The following MTFR1L variants were observed in gnomAD, a reference collection of about 807,000 sequenced individuals.
MTFR1L encodes mitochondrial fission regulator 1 like.
In MTFR1L, 10 loss-of-function variants were observed where a neutral mutation model predicts 27.9. The ratio of observed to expected loss-of-function variants is 0.36; its 90% confidence interval spans 0.22 to 0.61. The LOEUF is 0.61. Among genes scored for constraint, MTFR1L ranks in the 20% least tolerant of loss-of-function variants. MTFR1L has a pLI of 0.73. For synonymous variants in MTFR1L, 151 were observed against 139.4 expected, an observed-to-expected ratio of 1.08 and a Z score of -0.58; for missense variants, 315 against 363.7, an observed-to-expected ratio of 0.87 and a Z score of 1.09.
chr1:25,820,583 A>T (rs1329123075), intron 1 of MTFR1L: 1 of 381,170 alleles, frequency 2.6e-6, no homozygotes, highest in Non-Finnish European at 5.0e-6. Context: ...CCTGCGCTGG[A>T]GGAGCTCCCG....
At chr1:25,825,321 A>T (rs1039013776) in intron 3 of MTFR1L, among the ~76,000 whole-genome samples, 1 of 152,160 alleles carries the variant, frequency 6.6e-6, no homozygotes, top group African/African-American at 2.4e-5. Context: ...TATTTTGAAA[A>T]TTTAAGCATA....
chr1:25,826,330 T>G lies in MTFR1L; in HGVS notation c.158T>G (p.Leu53Trp), dbSNP rs1401956794. 1 of 1,614,050 alleles carries G rather than the reference T, an allele frequency of 6.2e-7. No individual in the cohort carries two copies. Among genetic ancestry groups the G allele is most frequent in the Non-Finnish European group, 8.5e-7 (1 of 1,180,032 alleles). ...ETLPNISDLC[L>W]RDVPPVPTLA... ...CTGCCCAACATCTCTGACCTGTGTT[T>G]GAGAGATGTGCCCCCAGTCCCTACC... is the stretch of plus-strand genomic sequence containing the variant. Residue 53 changes from leucine (L) to tryptophan (W), a missense_variant, in exon 4 of 7, where the codon TTG becomes TGG. Transcript: ENST00000374303. This position sits in a 1 kb window ranked among gnomAD's most constrained non-coding sequence, Gnocchi z 4.1.
intron 5 of MTFR1L, among the ~76,000 whole-genome samples, chr1:25,828,207 G>A (rs923897645): frequency 1.3e-5 from 2 of 152,170 alleles, no homozygotes; most frequent in African/African-American, 2.4e-5. Flanking sequence ...GGAGTTTCAT[G>A]ACATTATGTT....
At chr1:25,824,174 C>T (rs2048137458) in intron 3 of MTFR1L, among the ~76,000 whole-genome samples, 1 of 152,224 alleles carries the variant, frequency 6.6e-6, no homozygotes, top group African/African-American at 2.4e-5. Flanking sequence ...CCATGCCCAG[C>T]TCCACTATTT....
In MTFR1L at chr1:25,826,570, T is replaced by A. The variant is rs778368676; in HGVS notation, c.240-45T>A. ...GGGGGAAGGAACCTTAGGAGCACAG[T>A]GGCCTGCTGTCTCTAACTGATCTAC... On this transcript the variant is annotated intron_variant, in intron 4 of 6. Coordinates refer to ENST00000374303, the MANE Select transcript of MTFR1L (RefSeq NM_001099625.2). The surrounding 1 kb of genome is among the most constrained non-coding windows in gnomAD (Gnocchi z 4.1). 5.6e-6 allele frequency: 9 copies of A among 1,609,532 alleles called. No homozygotes were observed. The South Asian group carries it at 9.9e-5, about 18-fold the overall frequency.
rs990095875 is a variant in MTFR1L, at chr1:25,823,717, C to A, written c.98C>A (p.Pro33His). 3.1e-6 allele frequency: 5 copies of A among 1,613,950 alleles called. No individual in the cohort carries two copies. The highest frequency in any genetic ancestry group is 4.2e-6 in the Non-Finnish European group (5 of 1,179,986). The change falls in exon 3 of 7, where the codon CCC (proline) becomes CAC (histidine). Residue 33 changes from proline (P) to histidine (H), a missense_variant. Physicochemically the swap from Pro to His is moderately conservative, Grantham distance 77. Transcript: ENST00000374303. ...GTAAGAAGAATTGGGACCAACCTAC[C>A]CTTGAAGCCGTGTGCCCGGGCGTCC... ...SVVRRIGTNL[P>H]LKPCARASFE...
At chr1:25,830,425 G>A (rs984790904) in intron 6 of MTFR1L, among the ~76,000 whole-genome samples, 9 of 152,238 alleles carry the variant, frequency 5.9e-5, no homozygotes, top group Non-Finnish European at 1.0e-4. Flanking sequence ...ACCCCAAGGA[G>A]TGGAGCTCTA....
Position 25,832,546 on chromosome 1 carries a change from C to CTTCCTTGTCTAGATGT in MTFR1L, c.*521_*536dup. The CTTCCTTGTCTAGATGT allele has an allele frequency of 4.8e-6, 1 of 210,366 alleles. No individual in the cohort carries two copies. The highest frequency in any genetic ancestry group is 2.0e-3 in the Middle Eastern group (1 of 488). The allele number at this position is 210,366 out of a possible 1,614,324, so 13.0% of individuals were successfully genotyped here. A position where few individuals can be genotyped will look rare whatever the true frequency, so the allele number is the denominator to read the frequency against. On this transcript the variant is annotated 3_prime_UTR_variant, in exon 7 of 7. Transcript: ENST00000374303. ...CAATGCCCAGCAATCACCCTCCTCACTTCCTTGTCTAGATGTAGAGGTCAG... is the reference window on the plus strand; with the variant it reads ...CAATGCCCAGCAATCACCCTCCTCACTTCCTTGTCTAGATGTTTCCTTGTCTAGATGTAGAGGTCAG...
chr1:25,828,654 G>A (rs1557444448), intron 5 of MTFR1L, among the ~76,000 whole-genome samples: 2 of 152,114 alleles, frequency 1.3e-5, no homozygotes, highest in Admixed American at 1.3e-4. Flanking sequence ...CAGAACCACT[G>A]GAAATGGATG....
In MTFR1L at chr1:25,826,895, G is replaced by C; in HGVS notation, c.451+69G>C. Reference sequence around the variant, plus strand: ...TTTCCCCTGGCTCTTGGGCAGGATAGGGGTAAAGAAAGTGGTAATCCTTGG... The same window carrying C: ...TTTCCCCTGGCTCTTGGGCAGGATACGGGTAAAGAAAGTGGTAATCCTTGG... On this transcript the variant is annotated intron_variant, in intron 5 of 6. Transcript: ENST00000374303. This position sits in a 1 kb window ranked among gnomAD's most constrained non-coding sequence, Gnocchi z 4.1. 6.5e-7 allele frequency: 1 copy of C among 1,535,302 alleles called. No individual in the cohort carries two copies.
intron 2 of MTFR1L, 163 bp downstream of exon 2, chr1:25,823,291 CAACT>C: frequency 1.3e-6 from 1 of 784,166 alleles, no homozygotes; most frequent in Non-Finnish European, 2.2e-6. Context: ...TAAGAAGAAC[CAACT>C]ATGATCCTGG....
At position 25,831,812 on chromosome 1, in the gene MTFR1L, G is replaced by A. The variant is rs79151090; in HGVS notation, c.774-109G>A. ...TTATCTGTGAAAGGGAATTGTAATG[G>A]CACCTACCTCGTAAGATTGTTGTGA... On this transcript the variant is annotated intron_variant, in intron 6 of 6. Coordinates refer to ENST00000374303, the MANE Select transcript of MTFR1L (RefSeq NM_001099625.2). 3,139 of 969,724 alleles carry A rather than the reference G, an allele frequency of 3.2e-3. 7 individuals are homozygous for A. The highest frequency in any genetic ancestry group is 4.2e-3 in the Non-Finnish European group (2,578 of 616,358). The allele number at this position is 969,724 out of a possible 1,614,324, so 60.1% of individuals were successfully genotyped here.
chr1:25,830,560 A>G (rs1489373692), intron 6 of MTFR1L, among the ~76,000 whole-genome samples: 7 of 152,196 alleles, frequency 4.6e-5, no homozygotes, highest in Admixed American at 1.3e-4. Flanking sequence ...TGCGGTTTCA[A>G]CAGCTGCACA....
chr1:25,828,593 T>G (rs541885233), intron 5 of MTFR1L, among the ~76,000 whole-genome samples: 10 of 151,776 alleles, frequency 6.6e-5, no homozygotes, highest in South Asian at 2.1e-4. Context: ...TGGTCTATTA[T>G]GCAAACAAGC....
In MTFR1L at chr1:25,826,669, G is replaced by A. The variant is rs1189221526; in HGVS notation, c.294G>A (p.Met98Ile). The A allele has an allele frequency of 6.2e-7, 1 of 1,614,090 alleles. No individual in the cohort carries two copies. The highest frequency in any genetic ancestry group is 1.3e-5 in the African/African-American group (1 of 74,936). The change falls in exon 5 of 7, where the codon ATG (methionine) becomes ATA (isoleucine). Residue 98 changes from methionine (M) to isoleucine (I), a missense_variant. Coordinates refer to ENST00000374303, the MANE Select transcript of MTFR1L (RefSeq NM_001099625.2). This position sits in a 1 kb window ranked among gnomAD's most constrained non-coding sequence, Gnocchi z 4.1. ...HTWKPSPLIVMQRNASVPNLR... is the reference protein window; with the variant it reads ...HTWKPSPLIVIQRNASVPNLR... ...GGAAACCCAGCCCTCTGATTGTCAT[G>A]CAGCGCAATGCCTCTGTTCCCAACC...
chr1:25,827,582 G>A (rs765478226), intron 5 of MTFR1L, among the ~76,000 whole-genome samples: 5 of 151,070 alleles, frequency 3.3e-5, no homozygotes, highest in African/African-American at 7.3e-5. Flanking sequence ...CTGGAATTAC[G>A]GGTGTGCACC....
At chr1:25,828,094 C>T (rs2048190934) in intron 5 of MTFR1L, among the ~76,000 whole-genome samples, 1 of 152,194 alleles carries the variant, frequency 6.6e-6, no homozygotes, top group Non-Finnish European at 1.5e-5. Flanking sequence ...AAGCACCTAT[C>T]TTCCCTTGCC....
At position 25,819,959 on chromosome 1, in the gene MTFR1L, G is replaced by T. The variant is rs958862449; in HGVS notation, c.-157G>T. On this transcript the variant is annotated 5_prime_UTR_variant, in exon 1 of 7. Coordinates refer to ENST00000374303, the MANE Select transcript of MTFR1L (RefSeq NM_001099625.2). The stretch of plus-strand genomic sequence containing the variant: ...GGGGCGGGTCAGCGGAAGTGAGGGC[G>T]GTTGAGGCTGGGCGGCCCAAGGTGG... 3.2e-6 allele frequency: 1 copy of T among 313,574 alleles called. No individual in the cohort carries two copies. Among genetic ancestry groups the T allele is most frequent in the Non-Finnish European group, 6.1e-6 (1 of 164,074 alleles). 19.4% of individuals were successfully genotyped at this position (313,574 alleles called of 1,614,324 possible).
intron 6 of MTFR1L, among the ~76,000 whole-genome samples, chr1:25,830,070 G>A (rs1413708830): frequency 9.2e-5 from 14 of 152,160 alleles, no homozygotes; most frequent in African/African-American, 3.1e-4. Context: ...TTTACAAGAA[G>A]GCTCATCTAA....
Sources: allele counts gnomAD v4.1 joint callset (sites outside exome capture counted in the v4.1 genomes callset), GRCh38; gene constraint gnomAD v4.1.1; non-coding constraint Gnocchi (gnomAD v3.1); transcripts MANE v1.5; gene names NCBI Gene and HGNC (gene_info 2026-07-23, HGNC 2026-07-21).